FOXN3: variants seen among roughly 807,000 people sequenced by gnomAD.
FOXN3 encodes the protein forkhead box protein N3.
A neutral mutation model predicts 38.4 loss-of-function variants in FOXN3; 7 were observed. That is an observed-to-expected ratio of 0.18 (90% confidence interval 0.10 to 0.34). The LOEUF (loss-of-function observed/expected upper bound fraction) is 0.34, where lower values mean the gene tolerates loss of function less well. Ranked by LOEUF, FOXN3 falls within the 10% of genes least tolerant of loss-of-function variation. The pLI is 1.00. For missense variants in FOXN3, 456 were observed against 613.4 expected (o/e 0.74, Z 2.71); for synonymous variants, 230 against 242.2 (o/e 0.95, Z 0.47).
At chr14:89,614,416 G>A (rs183571176) in intron 1 of FOXN3, among the ~76,000 whole-genome samples, 1 of 152,134 alleles carries the variant, frequency 6.6e-6, no homozygotes, top group Admixed American at 6.5e-5. Context: ...CTGGGCCAGG[G>A]CTCTTTCATG....
chr14:89,524,210 T>G (rs1227594393), intron 1 of FOXN3, among the ~76,000 whole-genome samples: 1 of 145,826 alleles, frequency 6.9e-6, no homozygotes, highest in African/African-American at 2.5e-5. Flanking sequence ...CTCTCTCTAC[T>G]AAAAATACAA....
chr14:89,238,622 G>T (rs1438869333), intron 4 of FOXN3, among the ~76,000 whole-genome samples: 3 of 152,184 alleles, frequency 2.0e-5, no homozygotes, highest in Non-Finnish European at 4.4e-5. Context: ...GAGAACTGCA[G>T]AATATTTTAT....
intron 2 of FOXN3, among the ~76,000 whole-genome samples, chr14:89,399,576 G>A (rs1270682457): frequency 6.6e-6 from 1 of 152,148 alleles, no homozygotes; most frequent in Non-Finnish European, 1.5e-5. Flanking sequence ...ATGTACCCTT[G>A]ACTGTAACAT....
chr14:89,393,419 A>G (rs1891012683), intron 2 of FOXN3, among the ~76,000 whole-genome samples: 1 of 152,236 alleles, frequency 6.6e-6, no homozygotes, highest in Non-Finnish European at 1.5e-5. Context: ...ACACCTGCTT[A>G]CACAGGAAAC....
chr14:89,614,709 C>T (rs1202633675), intron 1 of FOXN3, among the ~76,000 whole-genome samples: 1 of 152,214 alleles, frequency 6.6e-6, no homozygotes, highest in Admixed American at 6.5e-5. Flanking sequence ...CAATAGCAGG[C>T]TCTGGGCTCC....
intron 2 of FOXN3, among the ~76,000 whole-genome samples, chr14:89,372,658 C>T (rs973194423): frequency 2.6e-5 from 4 of 151,756 alleles, no homozygotes; most frequent in Non-Finnish European, 4.4e-5. Flanking sequence ...CAGGGTAACC[C>T]ACAGGAAATT....
At chr14:89,250,858 T>C (rs1374472763) in intron 4 of FOXN3, among the ~76,000 whole-genome samples, 1 of 152,196 alleles carries the variant, frequency 6.6e-6, no homozygotes, top group Non-Finnish European at 1.5e-5. Context: ...GGAGTTCCCC[T>C]GCACATGCTC....
intron 2 of FOXN3, among the ~76,000 whole-genome samples, chr14:89,407,799 C>G (rs1891434620): frequency 6.6e-6 from 1 of 152,178 alleles, no homozygotes; most frequent in Non-Finnish European, 1.5e-5. Flanking sequence ...CCACTGCGCT[C>G]CAGCCTGGTC....
At chr14:89,487,959 G>T (rs930632702) in intron 1 of FOXN3, among the ~76,000 whole-genome samples, 10 of 152,148 alleles carry the variant, frequency 6.6e-5, no homozygotes, top group Non-Finnish European at 1.2e-4. Flanking sequence ...AGGCCCGGAG[G>T]TTGGAAAGCG....
intron 1 of FOXN3, among the ~76,000 whole-genome samples, chr14:89,598,061 C>T (rs944802444): frequency 6.6e-6 from 1 of 151,840 alleles, no homozygotes; most frequent in South Asian, 2.1e-4. Flanking sequence ...GTTATTTATA[C>T]ATTCTGTCAT....
rs74079993 is a variant in FOXN3, at chr14:89,557,719, A to G, written c.-15+61309T>C. Among the ~76,000 whole-genome samples, 607 of 152,274 alleles carry G rather than the reference A, an allele frequency of 4.0e-3. 4 individuals are homozygous for G. The highest frequency in any genetic ancestry group is 0.014 in the African/African-American group (590 of 41,568). ...GTCTCATGTTATGCAAGAATGAGGT[A>G]CCAAAGGGGGGCACGGTGGCTCACA... On this transcript the variant is annotated intron_variant, in intron 1 of 6. Transcript: ENST00000345097.
chr14:89,500,731 C>T lies in FOXN3; in HGVS notation c.-14-88241G>A, dbSNP rs538315847. Among the ~76,000 whole-genome samples the T allele has an allele frequency of 5.9e-5, 9 of 152,312 alleles. No homozygotes were observed. The East Asian group carries it at 1.5e-3, about 26-fold the overall frequency. On this transcript the variant is annotated intron_variant, in intron 1 of 6. Coordinates refer to the FOXN3 transcript ENST00000345097. Reference sequence around the variant, plus strand: ...GCCTGGTACCCTGACCTGGCCCTGCCGGCTGGTGAGAGGTGGCTTTGTTCC... The same window carrying T: ...GCCTGGTACCCTGACCTGGCCCTGCTGGCTGGTGAGAGGTGGCTTTGTTCC...
chr14:89,436,109 G>GAAA (rs1892271050), intron 1 of FOXN3, among the ~76,000 whole-genome samples: 1 of 151,082 alleles, frequency 6.6e-6, no homozygotes, highest in Non-Finnish European at 1.5e-5. Flanking sequence ...CCAAAATGCT[G>GAAA]AGATCACAGG....
chr14:89,557,302 C>T lies in FOXN3; in HGVS notation c.-15+61726G>A, dbSNP rs148010318. 5.0e-3 allele frequency among the ~76,000 whole-genome samples: 763 copies of T among 152,286 alleles called. 5 individuals carry two copies. The highest frequency in any genetic ancestry group is 0.02 in the Middle Eastern group (6 of 294). ...GATAAGAAAAAGTCTTCTCCCAATT[C>T]CCACTCTTATTGGGGGGTTAGTATA... On this transcript the variant is annotated intron_variant, in intron 1 of 6. Transcript: ENST00000345097.
chr14:89,488,526 G>A (rs553978449), intron 1 of FOXN3, among the ~76,000 whole-genome samples: 2 of 151,464 alleles, frequency 1.3e-5, no homozygotes, highest in African/African-American at 4.8e-5. Flanking sequence ...GGTGGTACAC[G>A]CCTGTAGTCC....
At chr14:89,509,844 T>C (rs1349558020) in intron 1 of FOXN3, among the ~76,000 whole-genome samples, 1 of 152,240 alleles carries the variant, frequency 6.6e-6, no homozygotes, top group African/African-American at 2.4e-5. Context: ...CTATAAATAG[T>C]TTTAATCTGA....
chr14:89,521,382 G>GAA (rs1369162993), intron 1 of FOXN3, among the ~76,000 whole-genome samples: 1 of 151,674 alleles, frequency 6.6e-6, no homozygotes, highest in African/African-American at 2.4e-5. Context: ...GAGAGAGAGA[G>GAA]AGACAGATAG....
At chr14:89,240,464 C>A (rs1316514648) in intron 4 of FOXN3, among the ~76,000 whole-genome samples, 1 of 152,200 alleles carries the variant, frequency 6.6e-6, no homozygotes, top group Non-Finnish European at 1.5e-5. Context: ...ATGCCCACTA[C>A]CAGTGGTGGC....
At chr14:89,455,050 C>T (rs1487950701) in intron 1 of FOXN3, among the ~76,000 whole-genome samples, 4 of 152,188 alleles carry the variant, frequency 2.6e-5, no homozygotes, top group Non-Finnish European at 4.4e-5. Flanking sequence ...TGAGAAGCGG[C>T]CAGTGTAATG....
Sources: gnomAD v4.1 joint callset for allele counts (sites outside exome capture counted in the v4.1 genomes callset) on GRCh38, gnomAD v4.1.1 for gene constraint, MANE v1.5 for transcripts, NCBI Gene and HGNC (gene_info 2026-07-23, HGNC 2026-07-21) for gene names.